The following ZNF26 variants were observed in gnomAD, a reference collection of about 807,000 sequenced individuals.
The protein encoded by ZNF26 is zinc finger protein 26.
In ZNF26, 32 loss-of-function variants were observed where a neutral mutation model predicts 54.9. The observed-to-expected ratio is 0.58, with a 90% CI of 0.44 to 0.78. ZNF26 has a LOEUF of 0.78. Among genes scored for constraint, ZNF26 ranks in the 30% least tolerant of loss-of-function variants. The pLI, the probability that ZNF26 is intolerant of heterozygous loss-of-function variation, is 0.00. For missense variants in ZNF26, 524 were observed against 634.0 expected (o/e 0.83, Z 1.86); for synonymous variants, 221 against 209.2 (o/e 1.06, Z -0.49).
At chr12:132,997,158 G>A (rs926458614) in intron 1 of ZNF26, among the ~76,000 whole-genome samples, 6 of 152,328 alleles carry the variant, frequency 3.9e-5, no homozygotes, top group African/African-American at 1.4e-4. Flanking sequence ...AGGAACAATA[G>A]ATGAACTGGA....
chr12:132,996,285 A>G (rs1377936811), intron 1 of ZNF26, among the ~76,000 whole-genome samples: 2 of 152,174 alleles, frequency 1.3e-5, no homozygotes, highest in Non-Finnish European at 2.9e-5. Context: ...TTCCCCTAGA[A>G]TAGTCCTCTG....
intron 1 of ZNF26, among the ~76,000 whole-genome samples, chr12:132,998,946 A>G (rs1192681183): frequency 5.3e-5 from 8 of 152,258 alleles, no homozygotes; most frequent in Non-Finnish European, 1.0e-4. Flanking sequence ...TTTGCTCACA[A>G]AACATACTTT....
intron 1 of ZNF26, among the ~76,000 whole-genome samples, chr12:132,993,042 T>TTTTTTTTA (rs1952997909): frequency 1.3e-5 from 2 of 150,970 alleles, no homozygotes; most frequent in African/African-American, 2.4e-5. Flanking sequence ...TTTTTTTTTT[T>TTTTTTTTA]GAGATGGAGT....
intron 1 of ZNF26, among the ~76,000 whole-genome samples, chr12:132,989,002 A>G (rs1593628803): frequency 7.3e-6 from 1 of 136,452 alleles, no homozygotes; most frequent in East Asian, 2.1e-4. Context: ...TGGTATAATC[A>G]TGTAGTTCCA....
At position 133,012,584 on chromosome 12, in the gene ZNF26, T is replaced by TG. The variant is rs1953503411; in HGVS notation, c.*1103_*1104insG. The TG allele has an allele frequency of 1.8e-5, 2 of 112,706 alleles. No individual in the cohort carries two copies. The highest frequency in any genetic ancestry group is 3.8e-5 in the Non-Finnish European group (2 of 52,944). 7.0% of individuals were successfully genotyped at this position (112,706 alleles called of 1,614,324 possible). On this transcript the variant is annotated 3_prime_UTR_variant, in exon 4 of 4. Transcript: ENST00000328654. ...TTTGCTTTTTGTTGTTTGGGTTTTT[T>TG]TTTTTTTTTTTTTTTTTTTTTTTTT...
rs754514282 is a variant in ZNF26, at chr12:133,006,560, C to T, written c.34-482C>T. 303 of 153,806 alleles carry T rather than the reference C, an allele frequency of 2.0e-3. 1 individual carries two copies. Among genetic ancestry groups the T allele is most frequent in the African/African-American group, 6.8e-3 (280 of 41,436 alleles). The allele number at this position is 153,806 out of a possible 1,614,324, so 9.5% of individuals were successfully genotyped here. A position where few individuals can be genotyped will look rare whatever the true frequency, so the allele number is the denominator to read the frequency against. On this transcript the variant is annotated intron_variant, in intron 1 of 3. Coordinates refer to ENST00000328654, the MANE Select transcript of ZNF26 (RefSeq NM_019591.4). ...AAATCTTCAGGACCCAAGAGAGTAC[C>T]GGCAAATAGAAGCTCCTTGATTGAT...
In ZNF26 at chr12:133,025,831, G is replaced by C. The variant is rs1953696192; in HGVS notation, c.*14350G>C. ...GAGATGAAGCTGTGTAACTTCCAAA[G>C]CTAGGTCATAAAAGGTGATGCAGCT... On this transcript the variant is annotated 3_prime_UTR_variant, in exon 4 of 4. Transcript: ENST00000328654. 6.6e-6 allele frequency: 1 copy of C among 152,216 alleles called. No individual in the cohort carries two copies. The highest frequency in any genetic ancestry group is 1.5e-5 in the Non-Finnish European group (1 of 68,062). The allele number at this position is 152,216 out of a possible 1,614,324, so 9.4% of individuals were successfully genotyped here. A position where few individuals can be genotyped will look rare whatever the true frequency, so the allele number is the denominator to read the frequency against.
At chr12:132,999,778 C>G (rs1474144286) in intron 1 of ZNF26, among the ~76,000 whole-genome samples, 1 of 151,944 alleles carries the variant, frequency 6.6e-6, no homozygotes, top group African/African-American at 2.4e-5. Flanking sequence ...ACTACAACCT[C>G]CACCTCCTGG....
At chr12:132,989,272 G>A (rs1181591406) in intron 1 of ZNF26, among the ~76,000 whole-genome samples, 3 of 151,922 alleles carry the variant, frequency 2.0e-5, no homozygotes, top group Admixed American at 6.6e-5. Context: ...TCCTGACCTC[G>A]TGATCAGCCC....
In ZNF26 at chr12:133,012,656, G is replaced by T. The variant is rs1193052277; in HGVS notation, c.*1175G>T. ...CCTCCAGGCTGGAATGCAATGGCAT[G>T]ATCTCAGCTCACTGCAACTTCCACC... On this transcript the variant is annotated 3_prime_UTR_variant, in exon 4 of 4. Coordinates refer to ENST00000328654, the MANE Select transcript of ZNF26 (RefSeq NM_019591.4). 1.7e-5 allele frequency: 2 copies of T among 119,500 alleles called. No individual in the cohort carries two copies. The highest frequency in any genetic ancestry group is 3.2e-5 in the Non-Finnish European group (2 of 61,938). The allele number at this position is 119,500 out of a possible 1,614,324, so 7.4% of individuals were successfully genotyped here.
At chr12:133,000,319 C>T (rs1953182456) in intron 1 of ZNF26, among the ~76,000 whole-genome samples, 2 of 151,652 alleles carry the variant, frequency 1.3e-5, no homozygotes, top group African/African-American at 4.8e-5. Flanking sequence ...GTGGCACGTT[C>T]TCGCTCACTG....
At chr12:132,999,491 AT>A (rs1195671611) in intron 1 of ZNF26, among the ~76,000 whole-genome samples, 1 of 151,964 alleles carries the variant, frequency 6.6e-6, no homozygotes, top group Non-Finnish European at 1.5e-5. Context: ...TCTTGACCTC[AT>A]TATTTGCCTG....
rs929676040 is a variant in ZNF26, at chr12:133,010,354, C to T, written c.475C>T (p.Pro159Ser). 30 of 1,613,772 alleles carry T rather than the reference C, an allele frequency of 1.9e-5. No individual in the cohort carries two copies. In the African/African-American group the frequency reaches 3.3e-4, roughly 18 times the overall value. ...NPDKFHGYEE[P>S]YFLKHQRAHS... The stretch of plus-strand genomic sequence containing the variant: ...TGATAAGTTTCATGGTTATGAAGAA[C>T]CATATTTTCTTAAGCATCAAAGAGC... The change falls in exon 4 of 4, where the codon CCA becomes TCA. Residue 159 changes from proline (P) to serine (S), a missense_variant. Transcript: ENST00000328654.
intron 1 of ZNF26, among the ~76,000 whole-genome samples, chr12:132,996,499 G>C (rs1953087468): frequency 1.3e-5 from 2 of 152,292 alleles, no homozygotes; most frequent in African/African-American, 4.8e-5. Flanking sequence ...AGTAGTCCAA[G>C]CATATGATTT....
At chr12:132,999,129 C>G (rs1434817562) in intron 1 of ZNF26, among the ~76,000 whole-genome samples, 5 of 152,224 alleles carry the variant, frequency 3.3e-5, no homozygotes, top group African/African-American at 1.2e-4. Flanking sequence ...TCGAATCCAA[C>G]AGCTGTTTAC....
rs1953645779 is a variant in ZNF26 at position 133,021,766 on chromosome 12, GAAAA to G, written c.*10288_*10291del. 1 of 43,976 alleles carries G rather than the reference GAAAA, an allele frequency of 2.3e-5. No homozygotes were observed. The highest frequency in any genetic ancestry group is 4.0e-4 in the Admixed American group (1 of 2,514). The allele number at this position is 43,976 out of a possible 1,614,324, so 2.7% of individuals were successfully genotyped here. ...TGGGTGACAGAGTGAAACTGTCTCA[GAAAA>G]AAGAAAGAAAGAAAAACGTTTATTT... On this transcript the variant is annotated 3_prime_UTR_variant, in exon 4 of 4. Transcript: ENST00000328654.
At chr12:132,994,717 G>A (rs1342494970) in intron 1 of ZNF26, among the ~76,000 whole-genome samples, 1 of 152,140 alleles carries the variant, frequency 6.6e-6, no homozygotes, top group African/African-American at 2.4e-5. Context: ...TTCAGTTACT[G>A]GTTATTTTAG....
Position 132,989,028 on chromosome 12 carries a change from A to ATTTTTTTTTTTTTTTTTTTTTTTTTTT in ZNF26, c.33+2157_33+2183dup, listed in dbSNP as rs150395603. Among the ~76,000 whole-genome samples the ATTTTTTTTTTTTTTTTTTTTTTTTTTT allele has an allele frequency of 6.3e-5, 5 of 78,826 alleles. 1 individual carries two copies. Among genetic ancestry groups the ATTTTTTTTTTTTTTTTTTTTTTTTTTT allele is most frequent in the South Asian group, 1.0e-3 (2 of 1,934 alleles). The allele number at this position is 78,826 out of a possible 152,430, so 51.7% of individuals were successfully genotyped here. A position where few individuals can be genotyped will look rare whatever the true frequency, so the allele number is the denominator to read the frequency against. ...TGTAGTTCCAGGAGTCTTTCGGTGA[A>ATTTTTTTTTTTTTTTTTTTTTTTTTTT]TTTTTTTTTTTTTTTTTTTTTTTTT... On this transcript the variant is annotated intron_variant, in intron 1 of 3. Coordinates refer to ENST00000328654, the MANE Select transcript of ZNF26 (RefSeq NM_019591.4).
intron 1 of ZNF26, among the ~76,000 whole-genome samples, chr12:133,003,898 T>C (rs1593658444): frequency 6.8e-6 from 1 of 147,000 alleles, no homozygotes; most frequent in Non-Finnish European, 1.5e-5. Flanking sequence ...TTGGGATGTA[T>C]AAATAAGAAA....
Sources: allele counts gnomAD v4.1 joint callset (sites outside exome capture counted in the v4.1 genomes callset), GRCh38; gene constraint gnomAD v4.1.1; transcripts MANE v1.5; gene names NCBI Gene and HGNC (gene_info 2026-07-23, HGNC 2026-07-21).